Variants in AKT1 observed in about 807,000 individuals in gnomAD.
AKT1 encodes RAC-alpha serine/threonine-protein kinase.
In AKT1, 21 loss-of-function variants were observed where a neutral mutation model predicts 63.1. The observed-to-expected ratio is 0.33, with a 90% CI of 0.24 to 0.48. The LOEUF is 0.48. Ranked by LOEUF, AKT1 falls within the 20% of genes least tolerant of loss-of-function variation. The pLI, the probability that AKT1 is intolerant of heterozygous loss-of-function variation, is 0.99. For synonymous variants in AKT1, 257 were observed against 253.1 expected, an observed-to-expected ratio of 1.02 and a Z score of -0.15; for missense variants, 382 against 666.0, an observed-to-expected ratio of 0.57 and a Z score of 4.69.
chr14:104,783,033 G>T (rs536400377), intron 3 of AKT1, among the ~76,000 whole-genome samples: 1 of 152,156 alleles, frequency 6.6e-6, no homozygotes, highest in Non-Finnish European at 1.5e-5. Context: ...GACACAGGAC[G>T]GGGCAGGTGG....
rs780836176 is a variant in AKT1, at chr14:104,792,659, C to G, written c.-16G>C. Reference sequence around the variant, plus strand: ...CGTCGCTCATGGTGCCCGAGGCTCCCGCGACGCTCACGCGCTCCTCTCAGG... The same window carrying G: ...CGTCGCTCATGGTGCCCGAGGCTCCGGCGACGCTCACGCGCTCCTCTCAGG... On this transcript the variant is annotated 5_prime_UTR_variant, in exon 3 of 15. Coordinates refer to ENST00000649815, the MANE Select transcript of AKT1 (RefSeq NM_001382430.1). 1 of 1,608,994 alleles carries G rather than the reference C, an allele frequency of 6.2e-7. No individual in the cohort carries two copies. The highest frequency in any genetic ancestry group is 8.5e-7 in the Non-Finnish European group (1 of 1,179,852).
In AKT1 at chr14:104,770,850, G is replaced by T; in HGVS notation, c.1261-3C>A. On this transcript the variant is annotated splice_region_variant and splice_polypyrimidine_tract_variant and intron_variant, in intron 13 of 14. Transcript: ENST00000649815. ...TGGGGCTTGAAGGGTGGGCTGAGCT[G>T]CAGAGGTGGGCAGACGGGACAGTCA... 1 of 1,613,278 alleles carries T rather than the reference G, an allele frequency of 6.2e-7. No homozygotes were observed. The highest frequency in any genetic ancestry group is 1.7e-5 in the Admixed American group (1 of 59,982).
chr14:104,774,845 G>A lies in AKT1; in HGVS notation c.633+93C>T, dbSNP rs982590328. The A allele has an allele frequency of 3.4e-5, 48 of 1,392,698 alleles. No homozygotes were observed. The South Asian group carries it at 4.2e-4, about 12-fold the overall frequency. 86.3% of individuals were successfully genotyped at this position (1,392,698 alleles called of 1,614,324 possible). ...AGTCCACGGTGTGTAAAGCCCTCAC[G>A]TGCCCAAGAAGACAGGACATCGTCC... On this transcript the variant is annotated intron_variant, in intron 8 of 14. Coordinates refer to ENST00000649815, the MANE Select transcript of AKT1 (RefSeq NM_001382430.1).
At chr14:104,784,592 A>G (rs1893238426) in intron 3 of AKT1, among the ~76,000 whole-genome samples, 2 of 152,114 alleles carry the variant, frequency 1.3e-5, no homozygotes, top group African/African-American at 2.4e-5. Context: ...GTTCCTTCCC[A>G]GAAGTCCTCC....
At chr14:104,784,884 G>C (rs1280334908) in intron 3 of AKT1, among the ~76,000 whole-genome samples, 1 of 152,238 alleles carries the variant, frequency 6.6e-6, no homozygotes, top group Admixed American at 6.5e-5. Flanking sequence ...GAGCCACCAG[G>C]TGTGTCAGCC....
chr14:104,773,642 G>C, intron 9 of AKT1, 62 bp from the exon 10 acceptor site: 1 of 1,553,108 alleles, frequency 6.4e-7, no homozygotes, highest in Non-Finnish European at 8.7e-7. Flanking sequence ...TGGCCTGCAG[G>C]GCTGGGGTTT....
At chr14:104,789,247 G>A (rs961005818) in intron 3 of AKT1, among the ~76,000 whole-genome samples, 26 of 152,208 alleles carry the variant, frequency 1.7e-4, no homozygotes, top group Admixed American at 1.5e-3. Context: ...CCAGCATCCC[G>A]GCCACCCGCC....
chr14:104,771,024 A>C (rs1033935937), intron 13 of AKT1, 177 bp from the exon 14 acceptor site: 1 of 614,718 alleles, frequency 1.6e-6, no homozygotes, highest in East Asian at 2.8e-5. Flanking sequence ...AGGGAGGGAC[A>C]TGAGGGGTGC....
chr14:104,772,232 T>C (rs1263547518), intron 13 of AKT1, 133 bp downstream of exon 13: 6 of 988,540 alleles, frequency 6.1e-6, no homozygotes, highest in African/African-American at 3.2e-5. Context: ...AGGCCCTCCT[T>C]GTACCAGGAC....
intron 5 of AKT1, chr14:104,776,010 C>T: frequency 1.7e-6 from 1 of 576,350 alleles, no homozygotes; most frequent in South Asian, 2.2e-5. Context: ...AGGCTTAGCC[C>T]CCCAGCAGGA....
intron 1 of AKT1, among the ~76,000 whole-genome samples, chr14:104,794,779 C>T (rs1361417240): frequency 6.6e-6 from 1 of 152,218 alleles, no homozygotes; most frequent in Non-Finnish European, 1.5e-5. Context: ...AGAGCAGGGG[C>T]CCAAGCTCAC....
intron 3 of AKT1, among the ~76,000 whole-genome samples, chr14:104,789,719 G>T (rs751129950): frequency 6.6e-6 from 1 of 152,182 alleles, no homozygotes; most frequent in Non-Finnish European, 1.5e-5. Context: ...TGAGACAGCC[G>T]AAACAGGAGG....
chr14:104,792,553 C>T (rs1555385494), intron 3 of AKT1, 45 bp downstream of exon 3: 4 of 1,608,368 alleles, frequency 2.5e-6, no homozygotes, highest in East Asian at 4.5e-5. Context: ...GGCTACTACC[C>T]CCATCTCTCC....
intron 6 of AKT1, 58 bp from the exon 7 acceptor site, chr14:104,775,265 C>T (rs1892636593): frequency 1.2e-6 from 2 of 1,604,498 alleles, no homozygotes. Context: ...AGCTGGTCGG[C>T]ATGCGTGGGG....
chr14:104,793,012 A>C, intron 2 of AKT1, 115 bp downstream of exon 2: 10 of 360,450 alleles, frequency 2.8e-5, no homozygotes, highest in South Asian at 2.4e-4. Flanking sequence ...TGCCACCACC[A>C]CCCGCAACAG....
chr14:104,776,571 C>T lies in AKT1; in HGVS notation c.287+88G>A, dbSNP rs770698615. Reference sequence around the variant, plus strand: ...ACTGGGGAGTGAGGATGGCTACAGGCAGAGGTGCCAGCACCCCGCCATCCC... The same window carrying T: ...ACTGGGGAGTGAGGATGGCTACAGGTAGAGGTGCCAGCACCCCGCCATCCC... On this transcript the variant is annotated intron_variant, in intron 5 of 14. Coordinates refer to ENST00000649815, the MANE Select transcript of AKT1 (RefSeq NM_001382430.1). 3.3e-5 allele frequency: 38 copies of T among 1,165,552 alleles called. 1 individual carries two copies. Among genetic ancestry groups the T allele is most frequent in the Middle Eastern group, 4.0e-4 (2 of 5,048 alleles). The allele number at this position is 1,165,552 out of a possible 1,614,324, so 72.2% of individuals were successfully genotyped here. A position where few individuals can be genotyped will look rare whatever the true frequency, so the allele number is the denominator to read the frequency against.
chr14:104,774,829 TGTGTAAAGCCCTCAC>T (rs945288384), intron 8 of AKT1, 94 bp downstream of exon 8: 2 of 1,218,118 alleles, frequency 1.6e-6, no homozygotes. Context: ...GAGTCCACGG[TGTGTAAAGCCCTCAC>T]GTGCCCAAGA....
rs968803206 is a variant in AKT1 at position 104,769,980 on chromosome 14, G to A, written c.*361C>T. 1.1e-5 allele frequency: 5 copies of A among 436,212 alleles called. No individual in the cohort carries two copies. Among genetic ancestry groups the A allele is most frequent in the Admixed American group, 4.0e-5 (1 of 25,062 alleles). 27.0% of individuals were successfully genotyped at this position (436,212 alleles called of 1,614,324 possible). A position where few individuals can be genotyped will look rare whatever the true frequency, so the allele number is the denominator to read the frequency against. On this transcript the variant is annotated 3_prime_UTR_variant, in exon 15 of 15. Transcript: ENST00000649815. ...TGGTGACAGACAGCCCAGGGCGGCTGGCTGACAGAGTGAGGGGACACATGG... is the reference window on the plus strand; with the variant it reads ...TGGTGACAGACAGCCCAGGGCGGCTAGCTGACAGAGTGAGGGGACACATGG...
chr14:104,791,736 CGTAA>C (rs1364192158), intron 3 of AKT1, among the ~76,000 whole-genome samples: 2 of 152,192 alleles, frequency 1.3e-5, no homozygotes, highest in Non-Finnish European at 2.9e-5. Flanking sequence ...AGAGGGTGTA[CGTAA>C]AGCCGGGGGG....
Sources: allele counts gnomAD v4.1 joint callset (sites outside exome capture counted in the v4.1 genomes callset), GRCh38; gene constraint gnomAD v4.1.1; transcripts MANE v1.5; gene names NCBI Gene and HGNC (gene_info 2026-07-23, HGNC 2026-07-21).